The following PTK2 variants were observed in gnomAD, a reference collection of about 807,000 sequenced individuals.
PTK2 encodes the protein protein tyrosine kinase 2, also known as focal adhesion kinase 1.
A neutral mutation model predicts 150.1 loss-of-function variants in PTK2; 45 were observed. The ratio of observed to expected loss-of-function variants is 0.30; its 90% confidence interval spans 0.24 to 0.38. The LOEUF is 0.38. Among genes scored for constraint, PTK2 ranks in the 10% least tolerant of loss-of-function variants. The pLI, the probability that PTK2 is intolerant of heterozygous loss-of-function variation, is 1.00. For synonymous variants in PTK2, 432 were observed against 449.2 expected, an observed-to-expected ratio of 0.96 and a Z score of 0.48; for missense variants, 919 against 1,307.3, an observed-to-expected ratio of 0.70 and a Z score of 4.58.
chr8:140,964,543 G>A (rs1230814565), intron 1 of PTK2, among the ~76,000 whole-genome samples: 5 of 143,390 alleles, frequency 3.5e-5, no homozygotes, highest in Non-Finnish European at 7.5e-5. Context: ...CCCAGCCCCA[G>A]GTAATTTTTT....
chr8:140,871,182 G>A lies in PTK2; in HGVS notation c.363-6783C>T, dbSNP rs1232250740. Among the ~76,000 whole-genome samples the A allele has an allele frequency of 3.3e-5, 5 of 152,106 alleles. No individual in the cohort carries two copies. In the South Asian group the frequency reaches 6.2e-4, roughly 19 times the overall value. ...ACTTTGTCACCAAAAAGGAGTGGATGCACTGCTCATAAAAAATCTGAAAAC... is the reference window on the plus strand; with the variant it reads ...ACTTTGTCACCAAAAAGGAGTGGATACACTGCTCATAAAAAATCTGAAAAC... On this transcript the variant is annotated intron_variant, in intron 4 of 31. Coordinates refer to ENST00000522684, the Ensembl canonical transcript of PTK2.
chr8:140,820,108 T>G (rs1218856327), intron 8 of PTK2, among the ~76,000 whole-genome samples: 2 of 78,716 alleles, frequency 2.5e-5, no homozygotes, highest in Admixed American at 1.3e-4. Flanking sequence ...TTTTTTTTTT[T>G]TTTTTTTTTT....
rs553104027 is a variant in PTK2, at chr8:140,730,630, T to C, written c.2030+4621A>G. On this transcript the variant is annotated intron_variant, in intron 22 of 31. Transcript: ENST00000522684. ...CAGTAAGCTGTCACTTCTTGGTGTG[T>C]TTATTAAACATCAATAAAAAGTTTT... 2.6e-5 allele frequency among the ~76,000 whole-genome samples: 4 copies of C among 152,310 alleles called. No homozygotes were observed. In the East Asian group the frequency reaches 7.7e-4, roughly 29 times the overall value.
intron 2 of PTK2, among the ~76,000 whole-genome samples, chr8:140,899,672 A>C (rs945454698): frequency 6.6e-6 from 1 of 152,164 alleles, no homozygotes; most frequent in Non-Finnish European, 1.5e-5. Flanking sequence ...GGCCAATATC[A>C]CTGAGGAACG....
intron 1 of PTK2, among the ~76,000 whole-genome samples, chr8:140,927,975 A>AAAAAAAAAAAAAAAAAAAAATATATATAT: frequency 2.1e-5 from 1 of 48,196 alleles, no homozygotes; most frequent in African/African-American, 9.8e-5. Context: ...AAAAAAAAAA[A>AAAAAAAAAAAAAAAAAAAAATATATATAT]ATATATATAT....
exon 32 of PTK2, chr8:140,658,445 T>C (rs1326780495): frequency 1.1e-5 from 2 of 185,576 alleles, no homozygotes; most frequent in Non-Finnish European, 2.3e-5. Context: ...AACTGTACAG[T>C]TCATTATATT....
chr8:140,757,706 T>TAGAGCCATC (rs1260471436), intron 16 of PTK2, among the ~76,000 whole-genome samples: 1 of 152,178 alleles, frequency 6.6e-6, no homozygotes, highest in Non-Finnish European at 1.5e-5. Context: ...GTAACTTTAT[T>TAGAGCCATC]AGAGCCATCT....
chr8:140,853,720 G>A (rs2100130810), intron 5 of PTK2, among the ~76,000 whole-genome samples: 1 of 152,060 alleles, frequency 6.6e-6, no homozygotes. Flanking sequence ...AAATATACAA[G>A]AGTGAAAAAG....
chr8:140,853,291 T>A (rs933804086), intron 5 of PTK2, among the ~76,000 whole-genome samples: 2 of 151,554 alleles, frequency 1.3e-5, no homozygotes, highest in Admixed American at 1.3e-4. Context: ...GCTGCACCCA[T>A]TAACTTGTCA....
intron 1 of PTK2, among the ~76,000 whole-genome samples, chr8:140,946,092 A>AG (rs1268265122): frequency 6.6e-6 from 1 of 152,148 alleles, no homozygotes; most frequent in Non-Finnish European, 1.5e-5. Flanking sequence ...AAGCTCCAGG[A>AG]GGGGTGTGTC....
intron 14 of PTK2, among the ~76,000 whole-genome samples, chr8:140,788,648 C>T (rs942266738): frequency 6.6e-6 from 1 of 152,158 alleles, no homozygotes; most frequent in African/African-American, 2.4e-5. Flanking sequence ...CGCGCCACTG[C>T]ACTCCAGCCT....
rs979346230 is a variant in PTK2 at position 140,914,341 on chromosome 8, T to C, written c.-33+11320A>G. ...AAATTCCTTGCAGTTTAAACAATTA[T>C]AGATGAATCTGAAATCAAAGATTTG... On this transcript the variant is annotated intron_variant, in intron 2 of 31. Transcript: ENST00000522684. Among the ~76,000 whole-genome samples the C allele has an allele frequency of 1.4e-4, 21 of 151,656 alleles. No individual in the cohort carries two copies. The East Asian group carries it at 2.1e-3, about 15-fold the overall frequency.
chr8:140,834,193 G>T (rs547932040), intron 7 of PTK2, among the ~76,000 whole-genome samples: 1 of 152,140 alleles, frequency 6.6e-6, no homozygotes, highest in Admixed American at 6.5e-5. Flanking sequence ...CATTCTCTAG[G>T]GCTTGGTGCT....
intron 7 of PTK2, among the ~76,000 whole-genome samples, chr8:140,833,253 T>C (rs746796805): frequency 2.6e-5 from 4 of 152,160 alleles, no homozygotes; most frequent in Non-Finnish European, 5.9e-5. Flanking sequence ...TGACTAATAA[T>C]GAATTTGTAA....
chr8:140,867,430 A>G (rs1456349458), intron 4 of PTK2, among the ~76,000 whole-genome samples: 1 of 152,226 alleles, frequency 6.6e-6, no homozygotes, highest in African/African-American at 2.4e-5. Context: ...AAGAACATGC[A>G]TGAATATTTA....
At chr8:140,839,259 G>A (rs1234716079) in intron 7 of PTK2, among the ~76,000 whole-genome samples, 3 of 152,110 alleles carry the variant, frequency 2.0e-5, no homozygotes, top group Non-Finnish European at 4.4e-5. Flanking sequence ...TGGACCTGAC[G>A]AAGGCGGAAG....
intron 10 of PTK2, among the ~76,000 whole-genome samples, chr8:140,816,310 T>C (rs774723179): frequency 2.0e-5 from 3 of 152,168 alleles, no homozygotes; most frequent in East Asian, 1.9e-4. Context: ...TGAGATCTTA[T>C]TGAAGGGTAT....
At chr8:140,826,658 G>A (rs537662399) in intron 8 of PTK2, among the ~76,000 whole-genome samples, 29 of 152,252 alleles carry the variant, frequency 1.9e-4, no homozygotes, top group African/African-American at 7.0e-4. Flanking sequence ...GTTCACATCC[G>A]TAATCCCAGC....
intron 3 of PTK2, among the ~76,000 whole-genome samples, chr8:140,880,783 C>A (rs1015895371): frequency 6.6e-6 from 1 of 152,118 alleles, no homozygotes; most frequent in African/African-American, 2.4e-5. Flanking sequence ...GTAACATGTA[C>A]CATATACAAA....
Sources: gnomAD v4.1 joint callset for allele counts (sites outside exome capture counted in the v4.1 genomes callset) on GRCh38, gnomAD v4.1.1 for gene constraint, MANE v1.5 for transcripts, NCBI Gene and HGNC (gene_info 2026-07-23, HGNC 2026-07-21) for gene names.